Variants in STX18 observed in about 807,000 individuals in gnomAD.
The protein encoded by STX18 is syntaxin 18, also known as syntaxin-18.
STX18 carries 40 observed loss-of-function variants against 50.1 expected under a neutral mutation model. That is an observed-to-expected ratio of 0.80 (90% CI 0.62 to 1.04). The LOEUF is 1.04. Among genes scored for constraint, STX18 ranks in the 50% least tolerant of loss-of-function variants. The probability of loss-of-function intolerance (pLI) is 0.00; values close to 1 mark genes in which losing one functional copy is unlikely to be tolerated. For synonymous variants in STX18, 158 were observed against 151.8 expected (o/e 1.04, Z -0.30); for missense variants, 410 against 415.8 (o/e 0.99, Z 0.12).
intron 1 of STX18, among the ~76,000 whole-genome samples, chr4:4,496,951 T>G (rs1340133509): frequency 1.3e-5 from 2 of 152,332 alleles, no homozygotes; most frequent in East Asian, 3.9e-4. Context: ...CAAACTAGCC[T>G]GCATCTAAAG....
At chr4:4,447,745 G>A (rs957646736) in intron 5 of STX18, among the ~76,000 whole-genome samples, 1 of 150,796 alleles carries the variant, frequency 6.6e-6, no homozygotes, top group African/African-American at 2.4e-5. Flanking sequence ...TTACTACAAC[G>A]ATTACACTAC....
rs1017961669 is a variant in STX18 at position 4,423,437 on chromosome 4, C to G, written c.831+81G>C. The G allele has an allele frequency of 3.6e-6, 5 of 1,403,904 alleles. No homozygotes were observed. The African/African-American group carries it at 7.1e-5, about 20-fold the overall frequency. The allele number at this position is 1,403,904 out of a possible 1,614,324, so 87.0% of individuals were successfully genotyped here. ...GCTCCTGGCTGTGTAGAGCAGCAGC[C>G]TTTGGGAAAAATGTCTCGTGCTCTC... On this transcript the variant is annotated intron_variant, in intron 9 of 10. Transcript: ENST00000306200.
intron 5 of STX18, among the ~76,000 whole-genome samples, chr4:4,453,366 C>G (rs1291702420): frequency 6.6e-6 from 1 of 152,216 alleles, no homozygotes; most frequent in African/African-American, 2.4e-5. Flanking sequence ...CACCCTCAAT[C>G]AGTCAGTAGC....
intron 7 of STX18, chr4:4,426,635 TCACA>T (rs1046216660): frequency 6.6e-6 from 1 of 152,382 alleles, no homozygotes; most frequent in Non-Finnish European, 1.5e-5. Flanking sequence ...CAGGCGCTCT[TCACA>T]CACACGCCCC....
At chr4:4,460,341 G>A (rs1250688012) in intron 2 of STX18, among the ~76,000 whole-genome samples, 1 of 152,146 alleles carries the variant, frequency 6.6e-6, no homozygotes, top group Non-Finnish European at 1.5e-5. Context: ...GAATATGCTT[G>A]ATACACAGCT....
intron 1 of STX18, among the ~76,000 whole-genome samples, chr4:4,523,122 G>A (rs1577399797): frequency 6.6e-6 from 1 of 152,198 alleles, no homozygotes; most frequent in Non-Finnish European, 1.5e-5. Flanking sequence ...TGCAGGAGGT[G>A]GTAGAGCCCA....
chr4:4,429,936 A>T (rs1364714116), intron 7 of STX18, among the ~76,000 whole-genome samples: 1 of 152,216 alleles, frequency 6.6e-6, no homozygotes, highest in Non-Finnish European at 1.5e-5. Context: ...TTTTAAAAAA[A>T]TTATCCCAAG....
rs184727201 is a variant in STX18 at position 4,536,427 on chromosome 4, G to A, written c.168+5370C>T. On this transcript the variant is annotated intron_variant, in intron 1 of 10. Coordinates refer to ENST00000306200, the MANE Select transcript of STX18 (RefSeq NM_016930.4). ...TAAATGGATATATGATCTGCTAGGGGAAGGGACAGAAAAAGGAGGCCACTT... is the reference window on the plus strand; with the variant it reads ...TAAATGGATATATGATCTGCTAGGGAAAGGGACAGAAAAAGGAGGCCACTT... Among the ~76,000 whole-genome samples the A allele has an allele frequency of 3.7e-3, 562 of 152,330 alleles. 1 individual carries two copies. The highest frequency in any genetic ancestry group is 5.9e-3 in the Non-Finnish European group (401 of 68,012).
chr4:4,472,507 G>A (rs1045739717), intron 1 of STX18, among the ~76,000 whole-genome samples: 1 of 152,274 alleles, frequency 6.6e-6, no homozygotes, highest in Non-Finnish European at 1.5e-5. Context: ...CCAAACACAC[G>A]TGGCCCCAGC....
chr4:4,503,069 T>C (rs1439768772), intron 1 of STX18, among the ~76,000 whole-genome samples: 3 of 152,188 alleles, frequency 2.0e-5, no homozygotes, highest in East Asian at 1.9e-4. Flanking sequence ...ACAAAATTAA[T>C]AGAGAATCTA....
At chr4:4,523,129 C>T (rs1276516941) in intron 1 of STX18, among the ~76,000 whole-genome samples, 1 of 152,184 alleles carries the variant, frequency 6.6e-6, no homozygotes, top group Non-Finnish European at 1.5e-5. Flanking sequence ...GGTGGTAGAG[C>T]CCAGAGTCCA....
At chr4:4,494,885 G>A (rs749901768) in intron 1 of STX18, among the ~76,000 whole-genome samples, 12 of 152,178 alleles carry the variant, frequency 7.9e-5, no homozygotes, top group Non-Finnish European at 1.8e-4. Flanking sequence ...CAGAGAGAGA[G>A]TGACTTTTAA....
intron 2 of STX18, among the ~76,000 whole-genome samples, chr4:4,467,884 T>C (rs1445849231): frequency 6.6e-6 from 1 of 150,974 alleles, no homozygotes; most frequent in Non-Finnish European, 1.5e-5. Flanking sequence ...CAAAAATGAG[T>C]GGTGAGAGGA....
chr4:4,442,802 T>TAA (rs1726190975), intron 5 of STX18, among the ~76,000 whole-genome samples: 1 of 96,624 alleles, frequency 1.0e-5, no homozygotes. Flanking sequence ...AACAAGTTTA[T>TAA]TAAAAAAAAA....
intron 1 of STX18, among the ~76,000 whole-genome samples, chr4:4,505,381 T>C (rs1388390914): frequency 1.3e-5 from 2 of 152,088 alleles, no homozygotes; most frequent in African/African-American, 2.4e-5. Flanking sequence ...AAAGTATGGG[T>C]TGTTTACCCT....
chr4:4,530,895 C>T (rs939466416), intron 1 of STX18, among the ~76,000 whole-genome samples: 12 of 152,158 alleles, frequency 7.9e-5, no homozygotes, highest in Admixed American at 2.0e-4. Flanking sequence ...GCATGAGCCA[C>T]CATACCCGGT....
chr4:4,451,587 T>C (rs1156636673), intron 5 of STX18, among the ~76,000 whole-genome samples: 1 of 152,240 alleles, frequency 6.6e-6, no homozygotes, highest in Non-Finnish European at 1.5e-5. Context: ...CTCAAAATAC[T>C]TCAAACTTTT....
At chr4:4,502,338 G>C (rs1729496046) in intron 1 of STX18, among the ~76,000 whole-genome samples, 1 of 151,988 alleles carries the variant, frequency 6.6e-6, no homozygotes, top group Non-Finnish European at 1.5e-5. Flanking sequence ...AATGTAATTG[G>C]GAAAACAGAG....
chr4:4,533,251 C>A (rs943385794), intron 1 of STX18, among the ~76,000 whole-genome samples: 3 of 152,222 alleles, frequency 2.0e-5, no homozygotes, highest in Admixed American at 1.3e-4. Context: ...ACGCTTTAAA[C>A]ATAAAATGGT....
Sources: gnomAD v4.1 joint callset for allele counts (sites outside exome capture counted in the v4.1 genomes callset) on GRCh38, gnomAD v4.1.1 for gene constraint, MANE v1.5 for transcripts, NCBI Gene and HGNC (gene_info 2026-07-23, HGNC 2026-07-21) for gene names.